Variants in ROBO2 observed in about 807,000 individuals in gnomAD.
ROBO2 encodes the protein roundabout homolog 2.
ROBO2 carries 53 observed loss-of-function variants against 160.8 expected under a neutral mutation model. That is an observed-to-expected ratio of 0.33 (90% CI 0.26 to 0.41). ROBO2 has a LOEUF of 0.41. Ranked by LOEUF, ROBO2 falls within the 10% of genes least tolerant of loss-of-function variation. The pLI is 1.00. For synonymous variants in ROBO2, 664 were observed against 611.7 expected (o/e 1.09, Z -1.26); for missense variants, 1,577 against 1,722.4 (o/e 0.92, Z 1.49).
At chr3:76,623,324 T>C (rs1032556017) in intron 2 of ROBO2, among the ~76,000 whole-genome samples, 8 of 152,258 alleles carry the variant, frequency 5.3e-5, no homozygotes, top group East Asian at 1.9e-4. Context: ...TGCTGAGGCA[T>C]TGGTGCACTA....
At chr3:76,356,319 C>G (rs1351684927) in intron 2 of ROBO2, among the ~76,000 whole-genome samples, 3 of 151,094 alleles carry the variant, frequency 2.0e-5, no homozygotes, top group Non-Finnish European at 3.0e-5. Flanking sequence ...TAAAGTAATA[C>G]AGCTAAATAC....
chr3:76,539,374 A>G (rs1286506557), intron 2 of ROBO2, among the ~76,000 whole-genome samples: 1 of 151,956 alleles, frequency 6.6e-6, no homozygotes, highest in Non-Finnish European at 1.5e-5. Context: ...AAAAAAAAAA[A>G]AAGAATGCTA....
chr3:76,112,208 T>TC, intron 2 of ROBO2, among the ~76,000 whole-genome samples: 1 of 152,282 alleles, frequency 6.6e-6, no homozygotes, highest in East Asian at 1.9e-4. Flanking sequence ...GTCCTTTTTT[T>TC]TCATAGATTG....
intron 2 of ROBO2, among the ~76,000 whole-genome samples, chr3:76,575,157 G>A (rs917575197): frequency 1.3e-5 from 2 of 151,944 alleles, no homozygotes; most frequent in African/African-American, 2.4e-5. Context: ...TTGAACTCCT[G>A]GGCTCAAGAA....
At chr3:76,024,374 T>A (rs1414626019) in intron 2 of ROBO2, among the ~76,000 whole-genome samples, 1 of 150,070 alleles carries the variant, frequency 6.7e-6, no homozygotes, top group Non-Finnish European at 1.5e-5. Context: ...AGAACTTATT[T>A]TTTTTTTTTA....
intron 2 of ROBO2, among the ~76,000 whole-genome samples, chr3:76,692,194 G>C (rs183770805): frequency 4.6e-5 from 7 of 152,224 alleles, no homozygotes; most frequent in Admixed American, 3.9e-4. Flanking sequence ...CAGGGGAGAG[G>C]GGGCAGCAGG....
intron 1 of ROBO2, among the ~76,000 whole-genome samples, chr3:77,067,491 G>A (rs2066979728): frequency 6.6e-6 from 1 of 152,194 alleles, no homozygotes; most frequent in African/African-American, 2.4e-5. Flanking sequence ...TCATATATGT[G>A]TCTCTAAAAT....
chr3:77,425,669 CTTT>C (rs756195644), intron 2 of ROBO2, among the ~76,000 whole-genome samples: 6 of 140,566 alleles, frequency 4.3e-5, no homozygotes, highest in Admixed American at 7.3e-5. Flanking sequence ...CAATATGACT[CTTT>C]TTTTTTTTTT....
At position 77,274,455 on chromosome 3, in the gene ROBO2, C is replaced by CA. The variant is rs34117308; in HGVS notation, c.388+176123dup. Among the ~76,000 whole-genome samples, 291 of 151,396 alleles carry CA rather than the reference C, an allele frequency of 1.9e-3. 4 individuals carry two copies. The highest frequency in any genetic ancestry group is 6.6e-3 in the African/African-American group (273 of 41,344). On this transcript the variant is annotated intron_variant, in intron 2 of 25. Coordinates refer to ENST00000461745, the Ensembl canonical transcript of ROBO2. ...AATTTTTAGAATTGGCATTTAAAACCAAAAAAAACCTGTCATAGAGTTGAG... is the reference window on the plus strand; with the variant it reads ...AATTTTTAGAATTGGCATTTAAAACCAAAAAAAAACCTGTCATAGAGTTGAG...
intron 2 of ROBO2, among the ~76,000 whole-genome samples, chr3:76,065,109 T>C (rs1301698151): frequency 3.3e-5 from 5 of 152,038 alleles, no homozygotes; most frequent in Non-Finnish European, 7.4e-5. Context: ...GCATAAAAAT[T>C]ATTGTAAGAA....
intron 2 of ROBO2, among the ~76,000 whole-genome samples, chr3:76,609,795 C>T (rs543537876): frequency 1.4e-4 from 22 of 152,264 alleles, no homozygotes; most frequent in Non-Finnish European, 2.8e-4. Flanking sequence ...TTGTCTTCTT[C>T]CAGATCTTGA....
chr3:75,955,644 A>T (rs1399073741), intron 2 of ROBO2, among the ~76,000 whole-genome samples: 1 of 151,762 alleles, frequency 6.6e-6, no homozygotes, highest in South Asian at 2.1e-4. Flanking sequence ...AATAAAAAAA[A>T]AGATAATGTT....
chr3:77,477,503 C>T, exon 3 of ROBO2: 5 of 1,613,980 alleles, frequency 3.1e-6, no homozygotes, highest in Non-Finnish European at 3.4e-6. Flanking sequence ...TCCCCGGGGA[C>T]ACCCAGAACC....
chr3:77,540,920 A>G (rs2092433199), intron 6 of ROBO2, among the ~76,000 whole-genome samples: 1 of 152,212 alleles, frequency 6.6e-6, no homozygotes, highest in Non-Finnish European at 1.5e-5. Context: ...AATTATTGCC[A>G]TTCTACTAAA....
intron 2 of ROBO2, among the ~76,000 whole-genome samples, chr3:76,355,547 C>T (rs1201995093): frequency 6.6e-6 from 1 of 151,686 alleles, no homozygotes; most frequent in Non-Finnish European, 1.5e-5. Context: ...TTACATTCTG[C>T]AAATATTCTA....
intron 5 of ROBO2, among the ~76,000 whole-genome samples, chr3:77,518,131 G>A (rs1205668365): frequency 1.3e-5 from 2 of 151,412 alleles, no homozygotes; most frequent in Non-Finnish European, 3.0e-5. Context: ...GGGAAGAAAA[G>A]TTATCATATG....
At chr3:76,382,302 T>C (rs2076667772) in intron 2 of ROBO2, among the ~76,000 whole-genome samples, 1 of 152,160 alleles carries the variant, frequency 6.6e-6, no homozygotes, top group Non-Finnish European at 1.5e-5. Flanking sequence ...TGGTTAAAGC[T>C]TCTTGGCTGG....
chr3:77,112,535 C>T (rs1466664650), intron 2 of ROBO2, among the ~76,000 whole-genome samples: 2 of 151,870 alleles, frequency 1.3e-5, no homozygotes, highest in African/African-American at 2.4e-5. Flanking sequence ...TGAGCCACCG[C>T]GCCCTGCCGA....
At chr3:76,331,255 G>T (rs1398378184) in intron 2 of ROBO2, among the ~76,000 whole-genome samples, 2 of 152,054 alleles carry the variant, frequency 1.3e-5, no homozygotes, top group Admixed American at 6.5e-5. Context: ...ATAGTATGGG[G>T]TGTTGGCAAA....
Sources: allele counts gnomAD v4.1 joint callset (sites outside exome capture counted in the v4.1 genomes callset), GRCh38; gene constraint gnomAD v4.1.1; transcripts MANE v1.5; gene names NCBI Gene and HGNC (gene_info 2026-07-23, HGNC 2026-07-21).